NREP: variants seen among roughly 807,000 people sequenced by gnomAD.
NREP encodes the protein neuronal regeneration related protein, also known as neuronal regeneration-related protein.
In NREP, 5 loss-of-function variants were observed where a neutral mutation model predicts 8.6. The ratio of observed to expected loss-of-function variants is 0.58; its 90% CI spans 0.30 to 1.22. The LOEUF is 1.22. NREP is among the 50% of genes most tolerant of loss of function. The probability of loss-of-function intolerance (pLI) is 0.07; values close to 1 mark genes in which losing one functional copy is unlikely to be tolerated. For missense variants in NREP, 86 were observed against 82.5 expected, an observed-to-expected ratio of 1.04 and a Z score of -0.17; for synonymous variants, 27 against 28.0, an observed-to-expected ratio of 0.96 and a Z score of 0.11.
intron 2 of NREP, among the ~76,000 whole-genome samples, chr5:111,769,060 C>G (rs575978043): frequency 1.3e-5 from 2 of 152,226 alleles, no homozygotes; most frequent in Non-Finnish European, 1.5e-5. Context: ...GGCATTCTGA[C>G]TGGTGTGAGA....
chr5:111,887,120 C>G lies in NREP; in HGVS notation c.135+88154G>C, dbSNP rs1442784428. On this transcript the variant is annotated intron_variant, in intron 2 of 3. Coordinates refer to the NREP transcript ENST00000395634. ...TAAATTTTTTATAGAGTTGAGGTTT[C>G]ACTATATTGCCTAGGCTGGTCTCGA... Among the ~76,000 whole-genome samples the G allele has an allele frequency of 1.3e-5, 2 of 152,036 alleles. 1 individual carries two copies. The highest frequency in any genetic ancestry group is 4.2e-4 in the South Asian group (2 of 4,812).
At chr5:111,749,923 T>G (rs142483977) in intron 2 of NREP, among the ~76,000 whole-genome samples, 20 of 152,142 alleles carry the variant, frequency 1.3e-4, no homozygotes, top group African/African-American at 4.8e-4. Context: ...AGCAATAAAG[T>G]AAGCTGTACC....
At chr5:111,902,931 G>A (rs1039558214) in intron 2 of NREP, among the ~76,000 whole-genome samples, 1 of 152,032 alleles carries the variant, frequency 6.6e-6, no homozygotes, top group African/African-American at 2.4e-5. Context: ...TCTTTGATAT[G>A]GTTAAATTCC....
intron 2 of NREP, among the ~76,000 whole-genome samples, chr5:111,849,754 C>T (rs1322335726): frequency 1.3e-5 from 2 of 152,122 alleles, no homozygotes; most frequent in Non-Finnish European, 2.9e-5. Flanking sequence ...CTGAAATATA[C>T]ATTTTCTAGA....
intron 2 of NREP, among the ~76,000 whole-genome samples, chr5:111,957,326 A>G (rs1251409420): frequency 1.3e-5 from 2 of 152,050 alleles, no homozygotes; most frequent in African/African-American, 4.8e-5. Flanking sequence ...GGAAAATGTT[A>G]AATTTCATAT....
upstream of NREP, chr5:111,757,514 C>T (rs1750803542): frequency 1.4e-5 from 14 of 985,074 alleles, no homozygotes; most frequent in Non-Finnish European, 1.7e-5. Context: ...GAGCCAGCGC[C>T]CCAGCCTTGC....
upstream of NREP, among the ~76,000 whole-genome samples, chr5:111,758,982 A>G (rs956005400): frequency 6.6e-6 from 1 of 152,242 alleles, no homozygotes; most frequent in Non-Finnish European, 1.5e-5. Context: ...TTTTCCTGCA[A>G]AAATAAGATG....
rs577997749 is a variant in NREP at position 111,972,171 on chromosome 5, A to G, written c.135+3103T>C. On this transcript the variant is annotated intron_variant, in intron 2 of 3. Coordinates refer to the NREP transcript ENST00000395634. The stretch of plus-strand genomic sequence containing the variant: ...ACTGATCATCAGGAAATAGCAAATT[A>G]AAGCTACAATGAGATATGACCTCAC... 3.3e-5 allele frequency among the ~76,000 whole-genome samples: 5 copies of G among 152,326 alleles called. No homozygotes were observed. In the East Asian group the frequency reaches 9.6e-4, roughly 29 times the overall value.
At chr5:111,907,451 T>C (rs911359687) in intron 2 of NREP, among the ~76,000 whole-genome samples, 1 of 152,076 alleles carries the variant, frequency 6.6e-6, no homozygotes, top group African/African-American at 2.4e-5. Context: ...CCTTTCTCCA[T>C]TGAATTGCCT....
chr5:111,859,326 A>C (rs1045336469), intron 2 of NREP, among the ~76,000 whole-genome samples: 1 of 152,204 alleles, frequency 6.6e-6, no homozygotes, highest in African/African-American at 2.4e-5. Flanking sequence ...CTCAGGCACA[A>C]TTTAAATGGT....
chr5:111,792,270 C>T (rs1053882951), intron 2 of NREP, among the ~76,000 whole-genome samples: 15 of 152,272 alleles, frequency 9.9e-5, no homozygotes, highest in African/African-American at 3.6e-4. Context: ...TCTCATTCTA[C>T]TAGTCAACTT....
At chr5:111,968,677 C>T (rs991185086) in intron 2 of NREP, among the ~76,000 whole-genome samples, 1 of 152,162 alleles carries the variant, frequency 6.6e-6, no homozygotes, top group Non-Finnish European at 1.5e-5. Flanking sequence ...TGCAGAATTC[C>T]CTCCTTAATG....
intron 2 of NREP, among the ~76,000 whole-genome samples, chr5:111,808,184 G>A (rs1170916358): frequency 6.6e-6 from 1 of 152,206 alleles, no homozygotes; most frequent in Non-Finnish European, 1.5e-5. Flanking sequence ...CCAAGAATGT[G>A]TAGGCTTCTC....
At chr5:111,794,140 C>A (rs1402787014) in intron 2 of NREP, among the ~76,000 whole-genome samples, 1 of 152,186 alleles carries the variant, frequency 6.6e-6, no homozygotes, top group African/African-American at 2.4e-5. Flanking sequence ...ACATCTGTTA[C>A]AATGCCAAAA....
intron 2 of NREP, among the ~76,000 whole-genome samples, chr5:111,786,183 A>C (rs890724563): frequency 6.6e-6 from 1 of 152,160 alleles, no homozygotes; most frequent in African/African-American, 2.4e-5. Context: ...TTCTCACAAG[A>C]TCCAATGGTT....
chr5:111,881,777 G>T (rs1056005686), intron 2 of NREP, among the ~76,000 whole-genome samples: 1 of 152,136 alleles, frequency 6.6e-6, no homozygotes, highest in Non-Finnish European at 1.5e-5. Flanking sequence ...GGTCCTGTCT[G>T]TTAGAAGGAA....
At chr5:111,836,382 A>C (rs1396210850) in intron 2 of NREP, among the ~76,000 whole-genome samples, 1 of 152,068 alleles carries the variant, frequency 6.6e-6, no homozygotes, top group Non-Finnish European at 1.5e-5. Flanking sequence ...GTCACTGTGC[A>C]AAAGCAATAC....
At chr5:111,792,141 C>A (rs1172485721) in intron 2 of NREP, among the ~76,000 whole-genome samples, 2 of 152,128 alleles carry the variant, frequency 1.3e-5, no homozygotes, top group Non-Finnish European at 2.9e-5. Flanking sequence ...TTTTGACAGG[C>A]TGACAATAAG....
At chr5:111,789,835 T>C (rs1459973004) in intron 2 of NREP, among the ~76,000 whole-genome samples, 3 of 152,014 alleles carry the variant, frequency 2.0e-5, no homozygotes, top group Non-Finnish European at 4.4e-5. Flanking sequence ...AATAGGCAAA[T>C]AACTATAAGA....
Sources: allele counts gnomAD v4.1 joint callset (sites outside exome capture counted in the v4.1 genomes callset), GRCh38; gene constraint gnomAD v4.1.1; transcripts MANE v1.5; gene names NCBI Gene and HGNC (gene_info 2026-07-23, HGNC 2026-07-21).